The following TAB3 variants were observed in gnomAD, a reference collection of about 807,000 sequenced individuals.
TAB3 encodes TGF-beta activated kinase 1 (MAP3K7) binding protein 3.
A neutral mutation model predicts 48.1 loss-of-function variants in TAB3; 18 were observed. The ratio of observed to expected loss-of-function variants is 0.37; its 90% CI spans 0.26 to 0.55. The LOEUF is 0.55. Ranked by LOEUF, TAB3 falls within the 20% of genes least tolerant of loss-of-function variation. TAB3 has a pLI of 0.78. For missense variants in TAB3, 414 were observed against 549.8 expected (o/e 0.75, Z 2.47); for synonymous variants, 185 against 190.2 (o/e 0.97, Z 0.22).
intron 9 of TAB3, among the ~76,000 whole-genome samples, chrX:30,841,412 CT>C (rs1316628462): frequency 1.6e-5 from 1 of 61,754 alleles, no homozygotes; most frequent in Non-Finnish European, 3.5e-5. Context: ...GAGTCTCCAT[CT>C]CAAAAAAAAA....
chrX:30,873,524 C>CAAAAA (rs61644834), intron 1 of TAB3, among the ~76,000 whole-genome samples: 1 of 50,637 alleles, frequency 2.0e-5, no homozygotes, highest in African/African-American at 7.0e-5. Flanking sequence ...GACTCCGTCT[C>CAAAAA]AAAAAAAAAA....
intron 1 of TAB3, among the ~76,000 whole-genome samples, chrX:30,876,349 G>C (rs982484202): frequency 1.2e-4 from 14 of 112,058 alleles, no homozygotes; most frequent in African/African-American, 4.5e-4. Flanking sequence ...TCAGGCACAC[G>C]AGGAAACATA....
chrX:30,850,595 G>A (rs1030432464), intron 7 of TAB3, among the ~76,000 whole-genome samples: 10 of 108,374 alleles, frequency 9.2e-5, no homozygotes, highest in East Asian at 8.7e-4. Context: ...TCCTGTAATC[G>A]CAGCTACTCG....
At position 30,854,887 on chromosome X, in the gene TAB3, G is replaced by A. The variant is rs1324065922; in HGVS notation, c.778C>T (p.His260Tyr). 7 of 1,210,709 alleles carry A rather than the reference G, an allele frequency of 5.8e-6. No homozygotes were observed. The highest frequency in any genetic ancestry group is 7.8e-6 in the Non-Finnish European group (7 of 894,954). ...WQSSPQGPVP[H>Y]YSQRPLPVYP... ...ACAGGTAAAGGACGCTGGCTATAGT[G>A]AGGCACTGGGCCCTGTGGTGAGGAC... Residue 260 changes from histidine to tyrosine, a missense_variant, in exon 6 of 11, where the codon CAC (histidine) becomes TAC (tyrosine). Physicochemically the swap from His to Tyr is moderately conservative, Grantham distance 83. Coordinates refer to ENST00000288422, the MANE Select transcript of TAB3 (RefSeq NM_152787.5).
chrX:30,844,339 C>A, intron 8 of TAB3: 1 of 112,006 alleles, frequency 8.9e-6, no homozygotes, highest in Non-Finnish European at 1.9e-5. Context: ...GGCCCTTTCA[C>A]AAATGTTTTA....
chrX:30,842,145 TAAG>T (rs1330311553), intron 9 of TAB3, among the ~76,000 whole-genome samples: 2 of 112,768 alleles, frequency 1.8e-5, no homozygotes, highest in Admixed American at 9.3e-5. Context: ...TACATAAAAA[TAAG>T]AACATGTTTG....
At chrX:30,868,336 GC>G (rs1481526189) in intron 2 of TAB3, among the ~76,000 whole-genome samples, 5 of 10,823 alleles carry the variant, frequency 4.6e-4, no homozygotes, top group African/African-American at 3.6e-3. Flanking sequence ...ATATATATAA[GC>G]TTTTATATAT....
rs150685307 is a variant in TAB3, at chrX:30,831,630, C to G, written c.1991-55G>C. Reference sequence around the variant, plus strand: ...GGAAGGTAAATAGATTAACCTTTTTCCAAGTATAATCCAAACTGAAAAGAA... The same window carrying G: ...GGAAGGTAAATAGATTAACCTTTTTGCAAGTATAATCCAAACTGAAAAGAA... On this transcript the variant is annotated intron_variant, in intron 10 of 10. Transcript: ENST00000288422. 3.9e-3 allele frequency: 4,378 copies of G among 1,132,796 alleles called. 62 individuals are homozygous for G. In the African/African-American group the frequency reaches 0.054, roughly 14 times the overall value. The allele number at this position is 1,132,796 out of a possible 1,213,427, so 93.4% of individuals were successfully genotyped here.
Position 30,854,492 on chromosome X carries a change from T to C in TAB3, c.1173A>G (p.Pro391=), listed in dbSNP as rs761953940. Residue 391 remains proline (P), a synonymous_variant, in exon 6 of 11, where the codon CCA becomes CCG. Transcript: ENST00000288422. ...ACAGTGAGTGTTGATTCCGTGGAGA[T>C]GGTTGATTACTGATGGGTGAAGGAC... is the stretch of plus-strand genomic sequence containing the variant. ...NRSPSPISNQ[P]SPRNQHSLYT... 1.7e-6 allele frequency: 2 copies of C among 1,211,464 alleles called. No individual in the cohort carries two copies. The highest frequency in any genetic ancestry group is 3.5e-5 in the South Asian group (2 of 56,948).
Position 30,842,987 on chromosome X carries a change from G to A in TAB3, c.1867C>T (p.Pro623Ser). 8.5e-7 allele frequency: 1 copy of A among 1,181,799 alleles called. No homozygotes were observed. Among genetic ancestry groups the A allele is most frequent in the Non-Finnish European group, 1.1e-6 (1 of 877,327 alleles). Residue 623 changes from proline to serine, a missense_variant, in exon 9 of 11, where the codon CCA becomes TCA. Transcript: ENST00000288422. Reference protein sequence around the residue: ...YDNIEPGPVVPPKPSKKDSSD... With the variant: ...YDNIEPGPVVSPKPSKKDSSD... ...TCACCTTTTTTAGATGGCTTGGGTGGTACAACTGGGCCAGGTTCTATGTTG... is the reference window on the plus strand; with the variant it reads ...TCACCTTTTTTAGATGGCTTGGGTGATACAACTGGGCCAGGTTCTATGTTG...
At chrX:30,886,442 A>C (rs946051293) in intron 1 of TAB3, among the ~76,000 whole-genome samples, 2 of 111,643 alleles carry the variant, frequency 1.8e-5, no homozygotes, top group Non-Finnish European at 3.8e-5. Flanking sequence ...ACTATATTTA[A>C]AAACTTATTC....
At position 30,830,357 on chromosome X, in the gene TAB3, T is replaced by TA. The variant is rs1356787700; in HGVS notation, c.*1069dup. On this transcript the variant is annotated 3_prime_UTR_variant, in exon 11 of 11. Coordinates refer to ENST00000288422, the MANE Select transcript of TAB3 (RefSeq NM_152787.5). Reference sequence around the variant, plus strand: ...TTGTTAACATATGCAAGTAAGTTTTTATTGAACAGTTAATATTGATTTCAG... The same window carrying TA: ...TTGTTAACATATGCAAGTAAGTTTTTAATTGAACAGTTAATATTGATTTCAG... 1 of 112,219 alleles carries TA rather than the reference T, an allele frequency of 8.9e-6. No individual in the cohort carries two copies. The highest frequency in any genetic ancestry group is 3.2e-5 in the African/African-American group (1 of 30,781). The allele number at this position is 112,219 out of a possible 1,213,427, so 9.2% of individuals were successfully genotyped here. A position where few individuals can be genotyped will look rare whatever the true frequency, so the allele number is the denominator to read the frequency against.
At position 30,855,296 on chromosome X, in the gene TAB3, T is replaced by C; in HGVS notation, c.369A>G (p.Glu123=). ...AGKQLICLVQ[E]PHSAPAVVAA... is the part of the protein sequence containing the mutation. ...CAACAACAGCTGGAGCTGAGTGTGG[T>C]TCTTGAACTAAACATATCAGCTGTT... The change falls in exon 6 of 11, where the codon GAA becomes GAG. Residue 123 remains glutamate (E), a synonymous_variant. Coordinates refer to ENST00000288422, the MANE Select transcript of TAB3 (RefSeq NM_152787.5). The C allele has an allele frequency of 8.3e-7, 1 of 1,211,710 alleles. No individual in the cohort carries two copies. Among genetic ancestry groups the C allele is most frequent in the Non-Finnish European group, 1.1e-6 (1 of 895,540 alleles).
intron 5 of TAB3, among the ~76,000 whole-genome samples, chrX:30,857,903 G>T (rs1382689657): frequency 9.0e-6 from 1 of 111,392 alleles, no homozygotes; most frequent in African/African-American, 3.3e-5. Context: ...CTTTTGAAAG[G>T]AATGAGGCAA....
chrX:30,833,115 C>T lies in TAB3; in HGVS notation c.1990+936G>A, dbSNP rs774105023. Among the ~76,000 whole-genome samples, 280 of 108,555 alleles carry T rather than the reference C, an allele frequency of 2.6e-3. 1 individual carries two copies. The highest frequency in any genetic ancestry group is 4.1e-3 in the Non-Finnish European group (216 of 52,370). 94.3% of individuals were successfully genotyped at this position (108,555 alleles called of 115,157 possible). ...CCTCCTGTGTAGCTGGGACTACAGG[C>T]GCCTGCCACCGCACCCGGCTAATTT... On this transcript the variant is annotated intron_variant, in intron 10 of 10. Coordinates refer to ENST00000288422, the MANE Select transcript of TAB3 (RefSeq NM_152787.5).
In TAB3 at chrX:30,830,914, C is replaced by CCT. The variant is rs1237618588; in HGVS notation, c.*512_*513insAG. ...TTACAAATACCCTTAATTAATTTGC[C>CCT]CCCCCCCCCCAAATATTCTAGGTGC... On this transcript the variant is annotated 3_prime_UTR_variant, in exon 11 of 11. Transcript: ENST00000288422. The CCT allele has an allele frequency of 1.6e-5, 1 of 62,428 alleles. No individual in the cohort carries two copies. Among genetic ancestry groups the CCT allele is most frequent in the Non-Finnish European group, 3.1e-5 (1 of 31,827 alleles). 5.1% of individuals were successfully genotyped at this position (62,428 alleles called of 1,213,427 possible).
chrX:30,834,020 C>T, intron 10 of TAB3, 31 bp downstream of exon 10: 1 of 1,146,121 alleles, frequency 8.7e-7, no homozygotes, highest in Non-Finnish European at 1.2e-6. Flanking sequence ...TTTGGACATT[C>T]TGCACAAACT....
At chrX:30,863,810 G>T (rs1939325255) in intron 4 of TAB3, among the ~76,000 whole-genome samples, 1 of 111,843 alleles carries the variant, frequency 8.9e-6, no homozygotes, top group Admixed American at 9.5e-5. Flanking sequence ...AATATAGTCA[G>T]TTTCCTTTAA....
chrX:30,838,405 T>G (rs1345077603), intron 9 of TAB3, among the ~76,000 whole-genome samples: 1 of 112,257 alleles, frequency 8.9e-6, no homozygotes, highest in East Asian at 2.8e-4. Flanking sequence ...CCTCCTGCCT[T>G]GGTCTCCCAA....
Sources: gnomAD v4.1 joint callset for allele counts (sites outside exome capture counted in the v4.1 genomes callset) on GRCh38, gnomAD v4.1.1 for gene constraint, MANE v1.5 for transcripts, NCBI Gene and HGNC (gene_info 2026-07-23, HGNC 2026-07-21) for gene names.